Variants in AGAP1 observed in about 807,000 individuals in gnomAD.
AGAP1 encodes the protein arf-GAP with GTPase, ANK repeat and PH domain-containing protein 1.
A neutral mutation model predicts 105.3 loss-of-function variants in AGAP1; 29 were observed. That is an observed-to-expected ratio of 0.28 (90% CI 0.21 to 0.38). AGAP1 has a LOEUF of 0.38. Ranked by LOEUF, AGAP1 falls within the 10% of genes least tolerant of loss-of-function variation. The pLI, the probability that AGAP1 is intolerant of heterozygous loss-of-function variation, is 1.00. For missense variants in AGAP1, 998 were observed against 1,165.1 expected (o/e 0.86, Z 2.09); for synonymous variants, 509 against 485.9 (o/e 1.05, Z -0.63).
At chr2:235,686,663 A>G (rs887657230) in intron 1 of AGAP1, among the ~76,000 whole-genome samples, 5 of 59,742 alleles carry the variant, frequency 8.4e-5, no homozygotes, top group Non-Finnish European at 1.5e-4. Flanking sequence ...ATATATATAT[A>G]TATTTTTTTT....
chr2:235,810,660 A>G (rs941912286), intron 9 of AGAP1, among the ~76,000 whole-genome samples: 3 of 152,112 alleles, frequency 2.0e-5, no homozygotes, highest in Non-Finnish European at 4.4e-5. Flanking sequence ...AGCTTGCCAA[A>G]TCATGATGGT....
intron 1 of AGAP1, among the ~76,000 whole-genome samples, chr2:235,606,892 G>C (rs1410400766): frequency 7.6e-6 from 1 of 131,670 alleles, no homozygotes; most frequent in African/African-American, 2.9e-5. Flanking sequence ...AGTGAGCTGA[G>C]ATCACGCCAC....
intron 9 of AGAP1, among the ~76,000 whole-genome samples, chr2:235,880,754 CAAAA>C (rs1221783333): frequency 2.0e-5 from 3 of 148,664 alleles, no homozygotes; most frequent in Non-Finnish European, 4.5e-5. Context: ...AAAAAAAAAA[CAAAA>C]AAAGAACTTG....
Position 236,081,578 on chromosome 2 carries a change from G to A in AGAP1, c.2114+32297G>A, listed in dbSNP as rs116244626. ...TACTTTTCAAAGCTTTTCCAGTAGA[G>A]ACACATGACTCCTTCCTTAAAACAA... On this transcript the variant is annotated intron_variant, in intron 16 of 17. Transcript: ENST00000304032. Among the ~76,000 whole-genome samples, 486 of 151,788 alleles carry A rather than the reference G, an allele frequency of 3.2e-3. 3 individuals are homozygous for A. The highest frequency in any genetic ancestry group is 0.011 in the African/African-American group (474 of 41,356).
chr2:236,115,417 C>G (rs976953411), intron 16 of AGAP1, among the ~76,000 whole-genome samples: 1 of 152,164 alleles, frequency 6.6e-6, no homozygotes, highest in African/African-American at 2.4e-5. Flanking sequence ...GCACATAAGC[C>G]ACAGTCTCTC....
At chr2:235,638,915 A>G (rs1254209105) in intron 1 of AGAP1, among the ~76,000 whole-genome samples, 1 of 152,182 alleles carries the variant, frequency 6.6e-6, no homozygotes, top group African/African-American at 2.4e-5. Context: ...GCCTCTACCT[A>G]CTAGATGCCA....
rs1332986500 is a variant in AGAP1, at chr2:235,799,587, G to A, written c.957+65G>A. The A allele has an allele frequency of 3.9e-6, 6 of 1,550,428 alleles. No individual in the cohort carries two copies. Among genetic ancestry groups the A allele is most frequent in the Non-Finnish European group, 5.3e-6 (6 of 1,131,086 alleles). On this transcript the variant is annotated intron_variant, in intron 8 of 17. Coordinates refer to ENST00000304032, the MANE Select transcript of AGAP1 (RefSeq NM_001037131.3). This position sits in a 1 kb window ranked among gnomAD's most constrained non-coding sequence, Gnocchi z 5.0. The stretch of plus-strand genomic sequence containing the variant: ...GAAGCGTTCCCATTAACGTAAACCT[G>A]GTTGCCACATGGTTCAGTGGTATTT...
chr2:235,647,135 AAAG>A (rs1307391822), intron 1 of AGAP1, among the ~76,000 whole-genome samples: 1 of 151,870 alleles, frequency 6.6e-6, no homozygotes, highest in Non-Finnish European at 1.5e-5. Context: ...AAAAAAAAAA[AAAG>A]AAAAGTCAAG....
intron 9 of AGAP1, among the ~76,000 whole-genome samples, chr2:235,852,352 G>A (rs968761378): frequency 1.3e-5 from 2 of 152,194 alleles, no homozygotes; most frequent in Non-Finnish European, 2.9e-5. Flanking sequence ...AGCGCCCAGC[G>A]AGGGAGCAGG....
chr2:236,032,758 G>C (rs2057263921), intron 13 of AGAP1, among the ~76,000 whole-genome samples: 1 of 152,154 alleles, frequency 6.6e-6, no homozygotes, highest in African/African-American at 2.4e-5. Flanking sequence ...GTTTGCAAGA[G>C]AGTGAGGAAA....
At chr2:235,896,924 G>C (rs770896193) in intron 10 of AGAP1, among the ~76,000 whole-genome samples, 1 of 152,130 alleles carries the variant, frequency 6.6e-6, no homozygotes, top group East Asian at 1.9e-4. Context: ...ATACCCTCAG[G>C]GTTTGGAAAT....
At chr2:235,598,172 G>T (rs1255995384) in intron 1 of AGAP1, among the ~76,000 whole-genome samples, 1 of 152,138 alleles carries the variant, frequency 6.6e-6, no homozygotes, top group Non-Finnish European at 1.5e-5. Flanking sequence ...GTGCACATTA[G>T]GTGACTGGCG....
In AGAP1 at chr2:235,505,986, A is replaced by C. The variant is rs1318528899; in HGVS notation, c.163+11137A>C. 3.5e-5 allele frequency among the ~76,000 whole-genome samples: 5 copies of C among 143,558 alleles called. No individual in the cohort carries two copies. The South Asian group carries it at 6.5e-4, about 19-fold the overall frequency. 94.2% of individuals were successfully genotyped at this position (143,558 alleles called of 152,430 possible). On this transcript the variant is annotated intron_variant, in intron 1 of 17. Transcript: ENST00000304032. ...TGCTCTGTCGCCCAGGCTGGAGTGC[A>C]GTGGTGTGATCTCAGCTCACTGCAG... is the stretch of plus-strand genomic sequence containing the variant.
At chr2:235,648,735 A>T (rs1947478170) in intron 1 of AGAP1, among the ~76,000 whole-genome samples, 1 of 132,166 alleles carries the variant, frequency 7.6e-6, no homozygotes, top group Non-Finnish European at 1.6e-5. Context: ...AAAAAAAAAA[A>T]CATTAGCTGG....
chr2:235,704,587 A>G (rs868445672), intron 1 of AGAP1, among the ~76,000 whole-genome samples: 2 of 152,194 alleles, frequency 1.3e-5, no homozygotes, highest in South Asian at 2.1e-4. Flanking sequence ...TGGAGGTTGC[A>G]GTGAGCCAAG....
chr2:235,892,651 GTA>G (rs1476864603), intron 10 of AGAP1, among the ~76,000 whole-genome samples: 1 of 151,746 alleles, frequency 6.6e-6, no homozygotes, highest in Non-Finnish European at 1.5e-5. Context: ...AACTGCCTTT[GTA>G]AATACACGAA....
intron 1 of AGAP1, among the ~76,000 whole-genome samples, chr2:235,607,965 A>C (rs1559285703): frequency 2.0e-5 from 3 of 152,174 alleles, no homozygotes; most frequent in Non-Finnish European, 4.4e-5. Context: ...TAGATCTTCG[A>C]GTTTTGACTT....
At chr2:235,920,784 C>T (rs1263516727) in intron 11 of AGAP1, among the ~76,000 whole-genome samples, 1 of 152,180 alleles carries the variant, frequency 6.6e-6, no homozygotes, top group Non-Finnish European at 1.5e-5. Flanking sequence ...AGCAACATCA[C>T]CATTTTAAGC....
At chr2:235,652,991 C>G (rs1202749237) in intron 1 of AGAP1, among the ~76,000 whole-genome samples, 1 of 152,020 alleles carries the variant, frequency 6.6e-6, no homozygotes, top group Non-Finnish European at 1.5e-5. Flanking sequence ...AAGAACGATA[C>G]CAGTAGGTGT....
Sources: allele counts gnomAD v4.1 joint callset (sites outside exome capture counted in the v4.1 genomes callset), GRCh38; gene constraint gnomAD v4.1.1; non-coding constraint Gnocchi (gnomAD v3.1); transcripts MANE v1.5; gene names NCBI Gene and HGNC (gene_info 2026-07-23, HGNC 2026-07-21).